The following EYA4 variants were observed in gnomAD, a reference collection of about 807,000 sequenced individuals.
EYA4 encodes protein phosphatase EYA4.
A neutral mutation model predicts 87.9 loss-of-function variants in EYA4; 31 were observed. That is an observed-to-expected ratio of 0.35 (90% CI 0.27 to 0.48). The LOEUF (loss-of-function observed/expected upper bound fraction) is 0.48. EYA4 is among the 20% of genes least tolerant of loss of function. The pLI is 0.99. For synonymous variants in EYA4, 263 were observed against 270.6 expected (o/e 0.97, Z 0.28); for missense variants, 678 against 761.4 (o/e 0.89, Z 1.29).
At chr6:133,373,751 T>C (rs1488341314) in intron 2 of EYA4, among the ~76,000 whole-genome samples, 1 of 152,132 alleles carries the variant, frequency 6.6e-6, no homozygotes, top group Non-Finnish European at 1.5e-5. Flanking sequence ...AGGAAGTATC[T>C]CTTTAGGTGT....
chr6:133,473,953 C>G (rs1390241659), intron 11 of EYA4, among the ~76,000 whole-genome samples: 6 of 151,998 alleles, frequency 3.9e-5, no homozygotes, highest in African/African-American at 1.4e-4. Flanking sequence ...TGTGTTGCAT[C>G]AAGGATCTTA....
At chr6:133,416,617 C>T (rs1296034654) in intron 3 of EYA4, among the ~76,000 whole-genome samples, 3 of 152,150 alleles carry the variant, frequency 2.0e-5, no homozygotes, top group South Asian at 2.1e-4. Flanking sequence ...TAAAGCATTA[C>T]GTATATATTA....
chr6:133,410,633 T>TTTTTTTTTTTTTTTTTTTTTTTTTTTGAG (rs1554252061), intron 3 of EYA4, among the ~76,000 whole-genome samples: 1 of 148,722 alleles, frequency 6.7e-6, no homozygotes, highest in Non-Finnish European at 1.5e-5. Flanking sequence ...ACTAAGGTCT[T>TTTTTTTTTTTTTTTTTTTTTTTTTTTGAG]AATTCCTTCT....
At chr6:133,436,742 T>A (rs1290395151) in intron 3 of EYA4, among the ~76,000 whole-genome samples, 2 of 152,222 alleles carry the variant, frequency 1.3e-5, no homozygotes, top group African/African-American at 4.8e-5. Flanking sequence ...CCATGTCCAC[T>A]TTATGCAAAG....
At chr6:133,487,722 A>G (rs558875986) in intron 13 of EYA4, among the ~76,000 whole-genome samples, 1 of 152,284 alleles carries the variant, frequency 6.6e-6, no homozygotes, top group Admixed American at 6.5e-5. Context: ...AATAATCAAC[A>G]GTAGTAGCAA....
rs200270501 is a variant in EYA4 at position 133,508,006 on chromosome 6, GT to G, written c.1281+1822del. ...CTCCCACCAACACGCCAGTTAGAAA[GT>G]TTTTTTTTTTAAATGACAAGGTCTT... On this transcript the variant is annotated intron_variant, in intron 14 of 19. Coordinates refer to ENST00000355286, the MANE Select transcript of EYA4 (RefSeq NM_004100.5). Among the ~76,000 whole-genome samples, 1,261 of 147,536 alleles carry G rather than the reference GT, an allele frequency of 8.5e-3. 73 individuals are homozygous for G. The East Asian group carries it at 0.15, about 18-fold the overall frequency.
chr6:133,371,143 G>A (rs920380980), intron 2 of EYA4, among the ~76,000 whole-genome samples: 1 of 152,156 alleles, frequency 6.6e-6, no homozygotes, highest in African/African-American at 2.4e-5. Context: ...GACGACTGAG[G>A]GAAGCTTTGC....
chr6:133,465,127 A>C (rs1794736579), intron 10 of EYA4, among the ~76,000 whole-genome samples: 1 of 152,114 alleles, frequency 6.6e-6, no homozygotes, highest in Non-Finnish European at 1.5e-5. Flanking sequence ...GAATTACAAA[A>C]TGTATTGGAT....
chr6:133,419,619 G>T (rs185701608), intron 3 of EYA4, among the ~76,000 whole-genome samples: 2 of 152,324 alleles, frequency 1.3e-5, no homozygotes, highest in Admixed American at 1.3e-4. Context: ...AAGACAGCAT[G>T]TAGATACATC....
Position 133,256,424 on chromosome 6 carries a change from T to C in EYA4, c.-66+14675T>C, listed in dbSNP as rs540598425. Among the ~76,000 whole-genome samples, 179 of 152,076 alleles carry C rather than the reference T, an allele frequency of 1.2e-3. 1 individual carries two copies. Among genetic ancestry groups the C allele is most frequent in the Middle Eastern group, 6.8e-3 (2 of 294 alleles). On this transcript the variant is annotated intron_variant, in intron 1 of 19. Transcript: ENST00000355286. ...CTCTCATGTGATTGGTGAGAACTTA[T>C]GAGGAATGATATATTGTTATTCTAG... is the stretch of plus-strand genomic sequence containing the variant.
At chr6:133,384,487 C>G (rs1786523980) in intron 3 of EYA4, among the ~76,000 whole-genome samples, 1 of 152,106 alleles carries the variant, frequency 6.6e-6, no homozygotes, top group Admixed American at 6.5e-5. Flanking sequence ...AAATCAATTT[C>G]TAAGAACTTC....
chr6:133,248,173 C>T lies in EYA4; in HGVS notation c.-66+6424C>T, dbSNP rs191619476. ...CTTTATTAATTAGAACATCTTTCCT[C>T]CTTTAAAGACTGTAAGAAGAAACAC... On this transcript the variant is annotated intron_variant, in intron 1 of 19. Transcript: ENST00000355286. 3.3e-5 allele frequency: 5 copies of T among 152,270 alleles called. No homozygotes were observed. In the East Asian group the frequency reaches 9.6e-4, roughly 29 times the overall value. The allele number at this position is 152,270 out of a possible 1,614,324, so 9.4% of individuals were successfully genotyped here.
In EYA4 at chr6:133,528,827, C is replaced by A; in HGVS notation, c.*22C>A. 9.3e-6 allele frequency: 15 copies of A among 1,612,870 alleles called. No individual in the cohort carries two copies. Among genetic ancestry groups the A allele is most frequent in the Non-Finnish European group, 1.2e-5 (14 of 1,179,054 alleles). ...GTAACTGTGTTCTTTAGCCGGAGAT[C>A]CATTTTTTATATTTCAAGTACACTG... is the stretch of plus-strand genomic sequence containing the variant. On this transcript the variant is annotated 3_prime_UTR_variant, in exon 20 of 20. Coordinates refer to ENST00000355286, the MANE Select transcript of EYA4 (RefSeq NM_004100.5).
At chr6:133,300,988 T>C (rs1228033574) in intron 2 of EYA4, among the ~76,000 whole-genome samples, 1 of 152,194 alleles carries the variant, frequency 6.6e-6, no homozygotes, top group Non-Finnish European at 1.5e-5. Context: ...TGCAAAGTAC[T>C]AAGAAACATC....
In EYA4 at chr6:133,529,680, T is replaced by C; in HGVS notation, c.*875T>C. On this transcript the variant is annotated 3_prime_UTR_variant, in exon 20 of 20. Coordinates refer to ENST00000355286, the MANE Select transcript of EYA4 (RefSeq NM_004100.5). ...AGGAAAGCTTGTGTTTCATTTGGGT[T>C]CTTAATAATTCCAATAATTGTATGA... The C allele has an allele frequency of 1.0e-6, 1 of 984,888 alleles. No individual in the cohort carries two copies. Among genetic ancestry groups the C allele is most frequent in the Non-Finnish European group, 1.2e-6 (1 of 829,416 alleles). The allele number at this position is 984,888 out of a possible 1,614,324, so 61.0% of individuals were successfully genotyped here. A position where few individuals can be genotyped will look rare whatever the true frequency, so the allele number is the denominator to read the frequency against.
At chr6:133,373,750 C>A (rs1311489894) in intron 2 of EYA4, among the ~76,000 whole-genome samples, 1 of 152,006 alleles carries the variant, frequency 6.6e-6, no homozygotes, top group African/African-American at 2.4e-5. Flanking sequence ...GAGGAAGTAT[C>A]TCTTTAGGTG....
chr6:133,307,119 A>G (rs932812068), intron 2 of EYA4, among the ~76,000 whole-genome samples: 24 of 152,198 alleles, frequency 1.6e-4, no homozygotes, highest in African/African-American at 5.5e-4. Context: ...GATCCAGCAC[A>G]TGATGAATGT....
chr6:133,364,098 C>G (rs537742177), intron 2 of EYA4, among the ~76,000 whole-genome samples: 24 of 152,318 alleles, frequency 1.6e-4, no homozygotes, highest in African/African-American at 5.3e-4. Flanking sequence ...GACATTGTTT[C>G]TGTGCTCAGT....
In EYA4 at chr6:133,462,668, C is replaced by A; in HGVS notation, c.628C>A (p.Gln210Lys). ...CATCAAGACAGAGAGTGGACTTTCC[C>A]AAACTCAGTCCCCATTACAGAGTGG... is the stretch of plus-strand genomic sequence containing the variant. ...PAIKTESGLS[Q>K]TQSPLQSGCL... Residue 210 changes from glutamine to lysine, a missense_variant, in exon 9 of 20, where the codon CAA becomes AAA. Gln to Lys is a moderately conservative substitution (Grantham distance 53, BLOSUM62 1). Coordinates refer to ENST00000355286, the MANE Select transcript of EYA4 (RefSeq NM_004100.5). 6.2e-7 allele frequency: 1 copy of A among 1,613,956 alleles called. No homozygotes were observed. The highest frequency in any genetic ancestry group is 1.7e-4 in the Middle Eastern group (1 of 6,056).
Sources: allele counts gnomAD v4.1 joint callset (sites outside exome capture counted in the v4.1 genomes callset), GRCh38; gene constraint gnomAD v4.1.1; transcripts MANE v1.5; gene names NCBI Gene and HGNC (gene_info 2026-07-23, HGNC 2026-07-21).